The following CDH13 variants were observed in gnomAD, a reference collection of about 807,000 sequenced individuals.
CDH13 encodes the protein cadherin-13.
A neutral mutation model predicts 63.8 loss-of-function variants in CDH13; 24 were observed. That is an observed-to-expected ratio of 0.38 (90% CI 0.27 to 0.53). The LOEUF is 0.53. Ranked by LOEUF, CDH13 falls within the 20% of genes least tolerant of loss-of-function variation. The pLI, the probability that CDH13 is intolerant of heterozygous loss-of-function variation, is 0.85. For missense variants in CDH13, 1,049 were observed against 903.1 expected, an observed-to-expected ratio of 1.16 and a Z score of -2.07; for synonymous variants, 503 against 355.3, an observed-to-expected ratio of 1.42 and a Z score of -4.67.
At chr16:83,792,415 C>G (rs577704378) in intron 13 of CDH13, among the ~76,000 whole-genome samples, 31 of 152,364 alleles carry the variant, frequency 2.0e-4, no homozygotes, top group African/African-American at 7.0e-4. Context: ...AATTTGAAAA[C>G]AAGAGATTGG....
chr16:82,938,814 A>G (rs2042745951), intron 2 of CDH13, among the ~76,000 whole-genome samples: 1 of 152,212 alleles, frequency 6.6e-6, no homozygotes, highest in African/African-American at 2.4e-5. Flanking sequence ...AATGTAGAAG[A>G]CACACTTCAG....
At chr16:83,027,020 A>G (rs909384911) in intron 2 of CDH13, among the ~76,000 whole-genome samples, 8 of 151,890 alleles carry the variant, frequency 5.3e-5, no homozygotes, top group African/African-American at 1.2e-4. Context: ...GCTGGGTTCA[A>G]TGAAATCAAG....
rs185999510 is a variant in CDH13 at position 82,915,232 on chromosome 16, C to T, written c.157+56759C>T. Reference sequence around the variant, plus strand: ...TTGTCCTTTTTATGGTCAATCAAGGCGGTCTTAGGATATAGATTTAATATC... The same window carrying T: ...TTGTCCTTTTTATGGTCAATCAAGGTGGTCTTAGGATATAGATTTAATATC... On this transcript the variant is annotated intron_variant, in intron 2 of 13. Coordinates refer to ENST00000567109, the MANE Select transcript of CDH13 (RefSeq NM_001257.5). Among the ~76,000 whole-genome samples, 82 of 152,246 alleles carry T rather than the reference C, an allele frequency of 5.4e-4. 2 individuals carry two copies. The East Asian group carries it at 0.012, about 23-fold the overall frequency.
At chr16:83,387,706 C>A (rs1296970356) in intron 6 of CDH13, among the ~76,000 whole-genome samples, 1 of 152,168 alleles carries the variant, frequency 6.6e-6, no homozygotes, top group Non-Finnish European at 1.5e-5. Context: ...AGAATGTCTG[C>A]CTTATGAATG....
chr16:82,783,325 G>A (rs2035853817), intron 1 of CDH13, among the ~76,000 whole-genome samples: 1 of 152,190 alleles, frequency 6.6e-6, no homozygotes, highest in Admixed American at 6.5e-5. Context: ...TGGCCACAAA[G>A]CTCCAACCAG....
At chr16:82,897,021 T>TC (rs34249488) in intron 2 of CDH13, among the ~76,000 whole-genome samples, 87,575 of 151,444 alleles carry the variant, frequency 0.58, 26,090 homozygotes, top group Non-Finnish European at 0.62. Context: ...GACCTCGTGA[T>TC]TTCCTGCCTC....
intron 2 of CDH13, among the ~76,000 whole-genome samples, chr16:83,009,507 C>T (rs532364632): frequency 6.6e-6 from 1 of 152,088 alleles, no homozygotes; most frequent in Non-Finnish European, 1.5e-5. Context: ...CATCATGATT[C>T]CCATTTTATA....
intron 2 of CDH13, among the ~76,000 whole-genome samples, chr16:83,022,136 A>G (rs1175625521): frequency 6.6e-6 from 1 of 152,222 alleles, no homozygotes; most frequent in Non-Finnish European, 1.5e-5. Context: ...AGGGATATGA[A>G]AAGCAATTAA....
intron 11 of CDH13, among the ~76,000 whole-genome samples, chr16:83,776,277 G>A (rs1386966796): frequency 6.6e-6 from 1 of 152,084 alleles, no homozygotes; most frequent in Non-Finnish European, 1.5e-5. Flanking sequence ...TATATTCAGA[G>A]TGAAAAAACA....
In CDH13 at chr16:82,705,828, G is replaced by T. The variant is rs185507182; in HGVS notation, c.45+78691G>T. Among the ~76,000 whole-genome samples the T allele has an allele frequency of 4.6e-5, 7 of 152,264 alleles. No individual in the cohort carries two copies. In the East Asian group the frequency reaches 1.2e-3, roughly 25 times the overall value. ...TGTTTATGATCCTGCAATGTATCACGCATTCTCTGCCAAGTGAATTCTGAC... is the reference window on the plus strand; with the variant it reads ...TGTTTATGATCCTGCAATGTATCACTCATTCTCTGCCAAGTGAATTCTGAC... On this transcript the variant is annotated intron_variant, in intron 1 of 13. Transcript: ENST00000567109.
intron 6 of CDH13, among the ~76,000 whole-genome samples, chr16:83,403,731 C>T (rs1046862752): frequency 3.3e-5 from 5 of 152,126 alleles, no homozygotes; most frequent in Admixed American, 3.3e-4. Context: ...GCCTGCTTGG[C>T]CCCAGGACAT....
chr16:83,254,109 T>G (rs899716400), intron 5 of CDH13, among the ~76,000 whole-genome samples: 3 of 152,094 alleles, frequency 2.0e-5, no homozygotes, highest in African/African-American at 7.2e-5. Context: ...CAGATAACAC[T>G]CCGAAGTGTG....
chr16:83,032,411 G>A (rs1916449146), intron 3 of CDH13, 193 bp downstream of exon 3: 1 of 581,692 alleles, frequency 1.7e-6, no homozygotes. Context: ...GTAACTAATT[G>A]AGGCATAGTT....
Position 83,524,698 on chromosome 16 carries a change from C to T in CDH13, c.960+38043C>T, listed in dbSNP as rs1318021314. ...CGATCTCCTGACCTGGTGATCCGCC[C>T]GCCTCGGCCTTCCAAAGTGCTGGGA... On this transcript the variant is annotated intron_variant, in intron 7 of 13. Transcript: ENST00000567109. Among the ~76,000 whole-genome samples the T allele has an allele frequency of 3.9e-5, 6 of 152,076 alleles. No homozygotes were observed. The South Asian group carries it at 6.2e-4, about 16-fold the overall frequency.
At chr16:83,239,069 T>G (rs1400019585) in intron 5 of CDH13, among the ~76,000 whole-genome samples, 1 of 152,220 alleles carries the variant, frequency 6.6e-6, no homozygotes, top group Admixed American at 6.5e-5. Context: ...TAACACTCAC[T>G]GTTGGTCAGG....
intron 1 of CDH13, among the ~76,000 whole-genome samples, chr16:82,731,617 A>C (rs1383481902): frequency 6.6e-6 from 1 of 152,224 alleles, no homozygotes; most frequent in Non-Finnish European, 1.5e-5. Context: ...TTTAAATGGA[A>C]ATGGCAATCA....
intron 1 of CDH13, among the ~76,000 whole-genome samples, chr16:82,709,674 C>T (rs1567649074): frequency 6.6e-6 from 1 of 152,160 alleles, no homozygotes; most frequent in African/African-American, 2.4e-5. Context: ...ATTAGGACTT[C>T]ACATGAGCGT....
At position 83,047,050 on chromosome 16, in the gene CDH13, C is replaced by A. The variant is rs904944011; in HGVS notation, c.366+14832C>A. Among the ~76,000 whole-genome samples the A allele has an allele frequency of 6.6e-6, 1 of 152,132 alleles. No individual in the cohort carries two copies. The highest frequency in any genetic ancestry group is 1.5e-5 in the Non-Finnish European group (1 of 68,030). ...CAGAGAATGTGCACTGTCAACCAAC[C>A]CCTTCATCGAGTCAGGCAAATTAGG... On this transcript the variant is annotated intron_variant, in intron 3 of 13. Transcript: ENST00000567109. This position sits in a 1 kb window ranked among gnomAD's most constrained non-coding sequence, Gnocchi z 4.9.
chr16:82,966,386 A>G (rs1047937382), intron 2 of CDH13, among the ~76,000 whole-genome samples: 1 of 152,038 alleles, frequency 6.6e-6, no homozygotes, highest in Non-Finnish European at 1.5e-5. Flanking sequence ...TGACCTCGTG[A>G]TCCGCCCACC....
Sources: gnomAD v4.1 joint callset for allele counts (sites outside exome capture counted in the v4.1 genomes callset) on GRCh38, gnomAD v4.1.1 for gene constraint, Gnocchi (gnomAD v3.1) non-coding constraint, MANE v1.5 for transcripts, NCBI Gene and HGNC (gene_info 2026-07-23, HGNC 2026-07-21) for gene names.